The following EPB41 variants were observed in gnomAD, a reference collection of about 807,000 sequenced individuals.
EPB41 encodes the protein erythrocyte membrane protein band 4.1, also known as protein 4.1.
A neutral mutation model predicts 108.0 loss-of-function variants in EPB41; 65 were observed. The ratio of observed to expected loss-of-function variants is 0.60; its 90% CI spans 0.49 to 0.74. EPB41 has a LOEUF of 0.74. Among genes scored for constraint, EPB41 ranks in the 30% least tolerant of loss-of-function variants. The pLI, the probability that EPB41 is intolerant of heterozygous loss-of-function variation, is 0.00. For missense variants in EPB41, 875 were observed against 1,037.0 expected (o/e 0.84, Z 2.15); for synonymous variants, 336 against 358.9 (o/e 0.94, Z 0.72).
chr1:28,945,485 G>A (rs960300685), intron 1 of EPB41, among the ~76,000 whole-genome samples: 1 of 152,048 alleles, frequency 6.6e-6, no homozygotes, highest in Non-Finnish European at 1.5e-5. Flanking sequence ...TTTAAAATGA[G>A]CTATATCACC....
intron 15 of EPB41, among the ~76,000 whole-genome samples, chr1:29,064,395 A>T (rs1313426650): frequency 6.6e-6 from 1 of 152,234 alleles, no homozygotes; most frequent in Non-Finnish European, 1.5e-5. Context: ...AAATTCTTAC[A>T]TCAAAAAAGG....
chr1:28,896,327 AGGT>A (rs1232187860), intron 1 of EPB41, among the ~76,000 whole-genome samples: 1 of 152,178 alleles, frequency 6.6e-6, no homozygotes, highest in Non-Finnish European at 1.5e-5. Flanking sequence ...TTCTGGGGAC[AGGT>A]GGTGGATAGC....
chr1:29,061,576 T>G (rs1271415307), intron 15 of EPB41, among the ~76,000 whole-genome samples: 3 of 132,314 alleles, frequency 2.3e-5, no homozygotes, highest in African/African-American at 8.6e-5. Context: ...GCCTTTGTTT[T>G]TTTTTTTTTT....
chr1:28,919,660 G>A (rs2092934773), intron 1 of EPB41, among the ~76,000 whole-genome samples: 1 of 151,996 alleles, frequency 6.6e-6, no homozygotes. Flanking sequence ...TCACCATGTT[G>A]GCCAGGCTGG....
rs563950882 is a variant in EPB41, at chr1:28,999,278, G to A, written c.786+1959G>A. On this transcript the variant is annotated intron_variant, in intron 4 of 20. Coordinates refer to ENST00000343067, the MANE Select transcript of EPB41 (RefSeq NM_001376013.1). ...CCAGCTACTTGGGAGGCTGAGGCAG[G>A]AGAATGGCGTGAGCCCAGGAGGGGG... Among the ~76,000 whole-genome samples the A allele has an allele frequency of 2.6e-5, 4 of 152,364 alleles. No homozygotes were observed. In the South Asian group the frequency reaches 8.3e-4, roughly 32 times the overall value.
At chr1:28,955,522 T>G (rs775534737) in intron 1 of EPB41, among the ~76,000 whole-genome samples, 6 of 152,144 alleles carry the variant, frequency 3.9e-5, no homozygotes, top group Non-Finnish European at 1.5e-5. Context: ...TTGTATATTT[T>G]TTAGTAGAGA....
intron 15 of EPB41, among the ~76,000 whole-genome samples, chr1:29,062,083 T>C (rs1324577225): frequency 3.3e-5 from 5 of 152,242 alleles, no homozygotes; most frequent in African/African-American, 1.2e-4. Context: ...TTGTCTCATT[T>C]AACATGAAGT....
intron 2 of EPB41, chr1:28,989,370 T>A (rs1396037185): frequency 2.0e-5 from 19 of 973,256 alleles, no homozygotes; most frequent in Non-Finnish European, 2.0e-5. Flanking sequence ...ACCATTACAA[T>A]TAAGAATTAT....
At chr1:29,100,196 T>G (rs924886118) in intron 17 of EPB41, among the ~76,000 whole-genome samples, 2 of 151,454 alleles carry the variant, frequency 1.3e-5, no homozygotes, top group Non-Finnish European at 2.9e-5. Flanking sequence ...TTGCTGGGTG[T>G]GGTGGCTCAC....
In EPB41 at chr1:28,987,676, C is replaced by T. The variant is rs745691212; in HGVS notation, c.239C>T (p.Ser80Leu). 4 of 1,614,212 alleles carry T rather than the reference C, an allele frequency of 2.5e-6. No individual in the cohort carries two copies. Among genetic ancestry groups the T allele is most frequent in the Non-Finnish European group, 3.4e-6 (4 of 1,180,036 alleles). ...CGGACATCAGAAAGCAGAGGACTTT[C>T]ACGACTATTCTCCTCGTTTCTCAAA... ...KERTSESRGL[S>L]RLFSSFLKRP... The change falls in exon 2 of 21, where the codon TCA becomes TTA. Residue 80 changes from serine (S) to leucine (L), a missense_variant. By Grantham distance (145) the Ser-to-Leu change is moderately radical. Transcript: ENST00000343067.
chr1:29,115,773 G>A lies in EPB41; in HGVS notation c.2571G>A (p.Gln857=). The A allele has an allele frequency of 6.2e-7, 1 of 1,614,088 alleles. No homozygotes were observed. The highest frequency in any genetic ancestry group is 8.5e-7 in the Non-Finnish European group (1 of 1,179,998). Residue 857 remains glutamine, a synonymous_variant, in exon 20 of 21, where the codon CAG becomes CAA. Coordinates refer to ENST00000343067, the MANE Select transcript of EPB41 (RefSeq NM_001376013.1). This position sits in a 1 kb window ranked among gnomAD's most constrained non-coding sequence, Gnocchi z 4.4. ...CAGTGACCAAGGTGGTCGTCCACCA[G>A]GAGACCGAGATTGCTGATGAGTGAG... ...DMSVTKVVVH[Q]ETEIADE
intron 3 of EPB41, 86 bp from the exon 4 acceptor site, chr1:28,997,129 G>A: frequency 1.0e-6 from 1 of 993,156 alleles, no homozygotes; most frequent in Non-Finnish European, 1.6e-6. Flanking sequence ...TCCAGCCTGG[G>A]CAACAGAGTG....
chr1:28,917,961 G>A (rs2092805495), intron 1 of EPB41, among the ~76,000 whole-genome samples: 1 of 151,994 alleles, frequency 6.6e-6, no homozygotes, highest in African/African-American at 2.4e-5. Context: ...GATAGAGTTT[G>A]CTTACTTTTT....
At chr1:28,923,188 C>G (rs1232123938) in intron 1 of EPB41, among the ~76,000 whole-genome samples, 1 of 144,008 alleles carries the variant, frequency 6.9e-6, no homozygotes, top group Non-Finnish European at 1.5e-5. Flanking sequence ...TCTCAGCTCC[C>G]GGATTCAAGC....
rs182227737 is a variant in EPB41, at chr1:29,056,550, G to C, written c.1846-2039G>C. Reference sequence around the variant, plus strand: ...GGCCTCAATTCTTTTTTTTGAGACGGAGTCTTGCTCTGTCACCCAGGCTGG... The same window carrying C: ...GGCCTCAATTCTTTTTTTTGAGACGCAGTCTTGCTCTGTCACCCAGGCTGG... On this transcript the variant is annotated intron_variant, in intron 12 of 20. Transcript: ENST00000343067. Among the ~76,000 whole-genome samples the C allele has an allele frequency of 2.4e-3, 366 of 151,940 alleles. 3 individuals are homozygous for C. Among genetic ancestry groups the C allele is most frequent in the African/African-American group, 8.3e-3 (345 of 41,452 alleles).
chr1:28,935,790 A>T (rs2093998236), intron 1 of EPB41, among the ~76,000 whole-genome samples: 2 of 151,628 alleles, frequency 1.3e-5, no homozygotes, highest in African/African-American at 4.8e-5. Flanking sequence ...GTGGTGGCAC[A>T]TGCCTGTAAT....
chr1:28,991,571 G>A (rs1008234444), intron 2 of EPB41, among the ~76,000 whole-genome samples: 1 of 151,894 alleles, frequency 6.6e-6, no homozygotes, highest in Non-Finnish European at 1.5e-5. Context: ...AGGCATGGTG[G>A]CTCTCCTGTA....
At chr1:28,976,599 C>T (rs1469902325) in intron 1 of EPB41, among the ~76,000 whole-genome samples, 1 of 152,170 alleles carries the variant, frequency 6.6e-6, no homozygotes, top group Non-Finnish European at 1.5e-5. Context: ...AGCTATCCTC[C>T]TGCCTTGGCC....
At chr1:29,102,564 G>A (rs1029460927) in intron 17 of EPB41, among the ~76,000 whole-genome samples, 6 of 151,954 alleles carry the variant, frequency 3.9e-5, no homozygotes, top group Non-Finnish European at 7.4e-5. Context: ...TTATAGCATA[G>A]ACATAGCCAA....
Sources: gnomAD v4.1 joint callset for allele counts (sites outside exome capture counted in the v4.1 genomes callset) on GRCh38, gnomAD v4.1.1 for gene constraint, Gnocchi (gnomAD v3.1) non-coding constraint, MANE v1.5 for transcripts, NCBI Gene and HGNC (gene_info 2026-07-23, HGNC 2026-07-21) for gene names.